The following IPO11 variants were observed in gnomAD, a reference collection of about 807,000 sequenced individuals.
IPO11 encodes importin-11.
A neutral mutation model predicts 143.2 loss-of-function variants in IPO11; 66 were observed. The observed-to-expected ratio is 0.46, with a 90% CI of 0.38 to 0.57. The LOEUF (loss-of-function observed/expected upper bound fraction) is 0.57, where lower values mean the gene tolerates loss of function less well. Ranked by LOEUF, IPO11 falls within the 20% of genes least tolerant of loss-of-function variation. The pLI is 0.00. For missense variants in IPO11, 1,026 were observed against 1,141.0 expected, an observed-to-expected ratio of 0.90 and a Z score of 1.45; for synonymous variants, 385 against 377.8, an observed-to-expected ratio of 1.02 and a Z score of -0.22.
At chr5:62,413,609 A>C (rs1288942069) in intron 1 of IPO11, among the ~76,000 whole-genome samples, 3 of 152,236 alleles carry the variant, frequency 2.0e-5, no homozygotes, top group Non-Finnish European at 4.4e-5. Context: ...ATTTGACTAA[A>C]TAGCAAGGAC....
intron 21 of IPO11, among the ~76,000 whole-genome samples, chr5:62,528,187 A>G (rs1394827574): frequency 6.6e-6 from 1 of 152,216 alleles, no homozygotes; most frequent in East Asian, 1.9e-4. Flanking sequence ...CTGTTTACTT[A>G]TATAGTAGGA....
At chr5:62,441,063 T>G (rs1283946144) in intron 2 of IPO11, among the ~76,000 whole-genome samples, 1 of 152,206 alleles carries the variant, frequency 6.6e-6, no homozygotes, top group African/African-American at 2.4e-5. Flanking sequence ...GAGGTCACCT[T>G]TGGGAATTTG....
At chr5:62,516,502 C>T (rs1742026330) in intron 20 of IPO11, among the ~76,000 whole-genome samples, 1 of 152,064 alleles carries the variant, frequency 6.6e-6, no homozygotes. Flanking sequence ...CCATGTTGGC[C>T]AGGCTGGTCT....
rs983117925 is a variant in IPO11 at position 62,455,190 on chromosome 5, G to A, written c.516+3257G>A. ...GAAAATCTTCCTTTTAATAATAAAGGAAGATGCAAAGATGGTCCTCAAGTA... is the reference window on the plus strand; with the variant it reads ...GAAAATCTTCCTTTTAATAATAAAGAAAGATGCAAAGATGGTCCTCAAGTA... On this transcript the variant is annotated intron_variant, in intron 5 of 29. Coordinates refer to ENST00000325324, the MANE Select transcript of IPO11 (RefSeq NM_016338.5). Among the ~76,000 whole-genome samples the A allele has an allele frequency of 3.3e-5, 5 of 152,110 alleles. No homozygotes were observed. In the East Asian group the frequency reaches 9.6e-4, roughly 29 times the overall value.
At position 62,451,755 on chromosome 5, in the gene IPO11, T is replaced by C; in HGVS notation, c.338T>C (p.Ile113Thr). 6.2e-7 allele frequency: 1 copy of C among 1,614,198 alleles called. No homozygotes were observed. The highest frequency in any genetic ancestry group is 1.1e-5 in the South Asian group (1 of 91,082). Residue 113 changes from isoleucine (I) to threonine (T), a missense_variant, in exon 5 of 30, where the codon ATT becomes ACT. By Grantham distance (89) the Ile-to-Thr change is moderately conservative. Around this residue, in one of 5 missense-constraint regions of IPO11, gnomAD observed 429 missense variants for 456.3 expected, o/e 0.94. Transcript: ENST00000325324. The stretch of plus-strand genomic sequence containing the variant: ...ATTGCAACTCAGATTGCAGTGCTCA[T>C]TGCAAAAGTTGCTAGATTGGATTGT... ...NQIATQIAVL[I>T]AKVARLDCPR...
At chr5:62,548,240 CT>C (rs1561358146) in intron 24 of IPO11, among the ~76,000 whole-genome samples, 1 of 151,968 alleles carries the variant, frequency 6.6e-6, no homozygotes, top group Non-Finnish European at 1.5e-5. Context: ...TAATACTTAC[CT>C]TTTTTTGGTA....
chr5:62,530,875 G>A (rs555686349), intron 22 of IPO11, 90 bp downstream of exon 22: 1 of 969,362 alleles, frequency 1.0e-6, no homozygotes, highest in Admixed American at 1.9e-5. Context: ...TTACAACAAA[G>A]TTGTAAGTTC....
In IPO11 at chr5:62,555,607, C is replaced by T. The variant is rs541464900; in HGVS notation, c.2460+4271C>T. On this transcript the variant is annotated intron_variant, in intron 26 of 29. Coordinates refer to ENST00000325324, the MANE Select transcript of IPO11 (RefSeq NM_016338.5). ...CAAGCCCCGCCTCCCGGGTTCACAT[C>T]GTTCTCCTGCCTCAGCCTCCCAAGT... Among the ~76,000 whole-genome samples the T allele has an allele frequency of 1.8e-4, 28 of 151,904 alleles. No individual in the cohort carries two copies. In the East Asian group the frequency reaches 4.8e-3, roughly 26 times the overall value.
At chr5:62,494,728 G>A (rs1484005783) in intron 16 of IPO11, among the ~76,000 whole-genome samples, 1 of 152,068 alleles carries the variant, frequency 6.6e-6, no homozygotes, top group Non-Finnish European at 1.5e-5. Context: ...GTAAAGAATA[G>A]TTTTCTTTCT....
intron 1 of IPO11, among the ~76,000 whole-genome samples, chr5:62,435,210 G>GTGTATATATGTATATATATGTATATATA (rs1744172394): frequency 2.2e-5 from 2 of 92,320 alleles, no homozygotes; most frequent in East Asian, 3.5e-4. Context: ...GTATATATAT[G>GTGTATATATGTATATATATGTATATATA]TGTATATATA....
intron 26 of IPO11, among the ~76,000 whole-genome samples, chr5:62,553,325 T>TGA (rs1743455756): frequency 3.4e-5 from 2 of 58,916 alleles, no homozygotes; most frequent in African/African-American, 9.1e-5. Flanking sequence ...TTCGTGTGAG[T>TGA]GTGTGTGTGT....
At chr5:62,440,500 G>GCC (rs562159764) in intron 2 of IPO11, among the ~76,000 whole-genome samples, 2 of 151,196 alleles carry the variant, frequency 1.3e-5, no homozygotes, top group Non-Finnish European at 3.0e-5. Flanking sequence ...GATTACAGGC[G>GCC]CCCCCCCACC....
chr5:62,558,078 A>C (rs1218437270), intron 26 of IPO11, among the ~76,000 whole-genome samples: 1 of 152,238 alleles, frequency 6.6e-6, no homozygotes, highest in Non-Finnish European at 1.5e-5. Context: ...TCTGCAGCCC[A>C]GAACTGATAC....
At chr5:62,418,619 G>A (rs1194553921) in intron 1 of IPO11, among the ~76,000 whole-genome samples, 1 of 152,224 alleles carries the variant, frequency 6.6e-6, no homozygotes, top group African/African-American at 2.4e-5. Flanking sequence ...TAGATTGGCA[G>A]TTAGTGGAGA....
intron 1 of IPO11, chr5:62,418,956 G>T: frequency 6.5e-7 from 1 of 1,527,778 alleles, no homozygotes; most frequent in South Asian, 1.2e-5. Context: ...GATACATCCT[G>T]AGAAATGGGT....
At position 62,422,724 on chromosome 5, in the gene IPO11, C is replaced by G. The variant is rs183002515; in HGVS notation, c.-7+9795C>G. Among the ~76,000 whole-genome samples the G allele has an allele frequency of 3.8e-4, 58 of 152,304 alleles. 1 individual carries two copies. Among genetic ancestry groups the G allele is most frequent in the African/African-American group, 1.3e-3 (56 of 41,566 alleles). On this transcript the variant is annotated intron_variant, in intron 1 of 29. Coordinates refer to ENST00000325324, the MANE Select transcript of IPO11 (RefSeq NM_016338.5). ...AAACTCCCGGTGAGACAGAAATACTCAAGTTTTTCGGACAGGTCTTCCTCT... is the reference window on the plus strand; with the variant it reads ...AAACTCCCGGTGAGACAGAAATACTGAAGTTTTTCGGACAGGTCTTCCTCT...
chr5:62,616,191 C>T (rs143619364), intron 29 of IPO11, among the ~76,000 whole-genome samples: 2,335 of 152,154 alleles, frequency 0.015, 56 homozygotes, highest in African/African-American at 0.051. Context: ...ATCTATCTAA[C>T]GGCATTATTA....
chr5:62,544,056 A>C (rs1391966212), intron 24 of IPO11, among the ~76,000 whole-genome samples: 2 of 151,990 alleles, frequency 1.3e-5, no homozygotes, highest in East Asian at 3.8e-4. Context: ...TCTGAGAGAC[A>C]GTCTCCAATC....
chr5:62,436,090 T>C (rs1170186625), intron 1 of IPO11, among the ~76,000 whole-genome samples: 1 of 152,218 alleles, frequency 6.6e-6, no homozygotes, highest in East Asian at 1.9e-4. Flanking sequence ...TTTCAGATTC[T>C]AGTTATTAGG....
Sources: gnomAD v4.1 joint callset for allele counts (sites outside exome capture counted in the v4.1 genomes callset) on GRCh38, gnomAD v4.1.1 for gene constraint, gnomAD v4.1.1 regional missense constraint, MANE v1.5 for transcripts, NCBI Gene and HGNC (gene_info 2026-07-23, HGNC 2026-07-21) for gene names.